Variants in DMXL1 observed in about 807,000 individuals in gnomAD.
DMXL1 encodes Dmx like 1, also known as dmX-like protein 1.
A neutral mutation model predicts 319.2 loss-of-function variants in DMXL1; 99 were observed. The ratio of observed to expected loss-of-function variants is 0.31; its 90% confidence interval spans 0.26 to 0.37. DMXL1 has a LOEUF of 0.37. DMXL1 is among the 10% of genes least tolerant of loss of function. The probability of loss-of-function intolerance (pLI) is 1.00; values close to 1 mark genes in which losing one functional copy is unlikely to be tolerated. For missense variants in DMXL1, 3,745 were observed against 3,595.6 expected (o/e 1.04, Z -1.06); for synonymous variants, 1,385 against 1,235.2 (o/e 1.12, Z -2.54).
In DMXL1 at chr5:119,209,245, T is replaced by C. The variant is rs117149079; in HGVS notation, c.7926+2349T>C. ...CTAGGAGTAGAAAGACTGGATCATG[T>C]GTAGGTATATGTTAAACGTTTTGTG... On this transcript the variant is annotated intron_variant, in intron 34 of 43. Transcript: ENST00000539542. 5.6e-4 allele frequency among the ~76,000 whole-genome samples: 85 copies of C among 152,322 alleles called. 4 individuals are homozygous for C. In the East Asian group the frequency reaches 0.016, roughly 28 times the overall value.
At chr5:119,168,468 G>C (rs1037966148) in intron 23 of DMXL1, among the ~76,000 whole-genome samples, 1 of 152,136 alleles carries the variant, frequency 6.6e-6, no homozygotes, top group African/African-American at 2.4e-5. Context: ...ATTGTGTTTG[G>C]TAGCTGATAA....
intron 31 of DMXL1, 80 bp from the exon 32 acceptor site, chr5:119,197,673 CCT>C (rs1246856964): frequency 7.1e-6 from 9 of 1,270,100 alleles, no homozygotes; most frequent in African/African-American, 1.5e-5. Context: ...TCTGCTCTCC[CCT>C]CTCTCATTTC....
rs1764345229 is a variant in DMXL1 at position 119,129,568 on chromosome 5, T to G, written c.1315+145T>G. On this transcript the variant is annotated intron_variant, in intron 10 of 43. Coordinates refer to ENST00000539542, the MANE Select transcript of DMXL1 (RefSeq NM_001290321.3). ...TGGACTAGCTCATTTAATAATCTAA[T>G]GTAGATATTTCTGTTATAGGTAGCT... is the stretch of plus-strand genomic sequence containing the variant. 4.8e-6 allele frequency: 3 copies of G among 623,788 alleles called. No individual in the cohort carries two copies. The African/African-American group carries it at 5.5e-5, about 12-fold the overall frequency. 38.6% of individuals were successfully genotyped at this position (623,788 alleles called of 1,614,324 possible). A position where few individuals can be genotyped will look rare whatever the true frequency, so the allele number is the denominator to read the frequency against.
At chr5:119,159,213 A>G (rs186043470) in intron 19 of DMXL1, among the ~76,000 whole-genome samples, 1 of 151,924 alleles carries the variant, frequency 6.6e-6, no homozygotes, top group Admixed American at 6.6e-5. Context: ...GCTCACTGCA[A>G]CTTCTGCCCC....
At chr5:119,227,455 T>G (rs1322281610) in intron 38 of DMXL1, among the ~76,000 whole-genome samples, 1 of 152,134 alleles carries the variant, frequency 6.6e-6, no homozygotes, top group Non-Finnish European at 1.5e-5. Flanking sequence ...CCATCTGATT[T>G]CACCTGCAGT....
intron 28 of DMXL1, among the ~76,000 whole-genome samples, chr5:119,183,839 A>G (rs1166751091): frequency 6.6e-6 from 1 of 152,174 alleles, no homozygotes; most frequent in Non-Finnish European, 1.5e-5. Flanking sequence ...TGTTCTATTC[A>G]TTCATTTTAC....
chr5:119,113,958 T>C (rs1760239128), intron 5 of DMXL1, among the ~76,000 whole-genome samples: 1 of 152,050 alleles, frequency 6.6e-6, no homozygotes, highest in Non-Finnish European at 1.5e-5. Flanking sequence ...GGGAAGGCAA[T>C]GAAGAGAAAT....
In DMXL1 at chr5:119,171,203, A is replaced by G. The variant is rs1220789421; in HGVS notation, c.6412A>G (p.Ile2138Val). The G allele has an allele frequency of 6.2e-6, 10 of 1,613,714 alleles. No homozygotes were observed. Among genetic ancestry groups the G allele is most frequent in the Non-Finnish European group, 7.6e-6 (9 of 1,179,776 alleles). ...TTTGAGAATGTTTCTTAGTTACTGC[A>G]TACTTCATGGATCCCATGGTGGGGG... ...SLLRMFLSYC[I>V]LHGSHGGGLA... is the part of the protein sequence containing the mutation. The change falls in exon 24 of 44, where the codon ATA becomes GTA. Residue 2138 changes from isoleucine (I) to valine (V), a missense_variant. Physicochemically the swap from Ile to Val is conservative, Grantham distance 29. This residue lies in a region of DMXL1 where 1,382 missense variants were observed against 1,269.5 expected (regional missense o/e 1.09). Coordinates refer to ENST00000539542, the MANE Select transcript of DMXL1 (RefSeq NM_001290321.3).
chr5:119,134,278 C>A lies in DMXL1; in HGVS notation c.2265C>A (p.Cys755Ter). 1 of 1,611,982 alleles carries A rather than the reference C, an allele frequency of 6.2e-7. No homozygotes were observed. Among genetic ancestry groups the A allele is most frequent in the South Asian group, 1.1e-5 (1 of 90,526 alleles). Residue 755 changes from cysteine to a stop codon, truncating the protein, a stop_gained, in exon 13 of 44, where the codon TGC becomes TGA. Coordinates refer to ENST00000539542, the MANE Select transcript of DMXL1 (RefSeq NM_001290321.3). LOFTEE classifies it high-confidence loss of function. ...LIPSYCLGAY[C>*]NSPSACFVAS... ...GTAAATACTTTCTAGGTGCATACTG[C>A]AACTCTCCTAGTGCATGCTTTGTAG...
chr5:119,077,487 T>TG (rs1334151861), intron 1 of DMXL1, among the ~76,000 whole-genome samples: 3 of 142,194 alleles, frequency 2.1e-5, no homozygotes, highest in Non-Finnish European at 4.6e-5. Context: ...AGGTTTTTTT[T>TG]TTTTTTTTTT....
intron 28 of DMXL1, among the ~76,000 whole-genome samples, chr5:119,187,703 C>T (rs1777986994): frequency 6.6e-6 from 1 of 152,110 alleles, no homozygotes; most frequent in Non-Finnish European, 1.5e-5. Context: ...TGCTCTGTTG[C>T]CCAGGCTGGA....
In DMXL1 at chr5:119,135,444, G is replaced by A. The variant is rs147582776; in HGVS notation, c.2376+1055G>A. Among the ~76,000 whole-genome samples the A allele has an allele frequency of 3.5e-3, 536 of 152,270 alleles. 4 individuals carry two copies. The highest frequency in any genetic ancestry group is 0.013 in the Admixed American group (206 of 15,292). On this transcript the variant is annotated intron_variant, in intron 13 of 43. Coordinates refer to ENST00000539542, the MANE Select transcript of DMXL1 (RefSeq NM_001290321.3). ...TGAAGGAGATGTGGGAACTAGATACGTAGATATTTATTAAAGAGAATGTGA... is the reference window on the plus strand; with the variant it reads ...TGAAGGAGATGTGGGAACTAGATACATAGATATTTATTAAAGAGAATGTGA...
intron 41 of DMXL1, 99 bp from the exon 42 acceptor site, chr5:119,240,320 C>G: frequency 1.4e-6 from 1 of 726,780 alleles, no homozygotes; most frequent in Non-Finnish European, 2.2e-6. Flanking sequence ...TAAGAACCTT[C>G]TGTGACAGCA....
At chr5:119,245,474 C>CAG (rs1251187225) in intron 43 of DMXL1, among the ~76,000 whole-genome samples, 1 of 151,652 alleles carries the variant, frequency 6.6e-6, no homozygotes, top group Non-Finnish European at 1.5e-5. Flanking sequence ...TATTTTCCTT[C>CAG]AGTTTGAAAC....
chr5:119,189,742 C>A lies in DMXL1; in HGVS notation c.7170C>A (p.Asn2390Lys). The change falls in exon 29 of 44, where the codon AAC becomes AAA. Residue 2390 changes from asparagine to lysine, a missense_variant. By Grantham distance (94) the Asn-to-Lys change is moderately conservative (BLOSUM62 0). Transcript: ENST00000539542. ...TAGTTGAAGAAGGAGAAAAACAGAA[C>A]AAACGTTTTAGGCCGTCAAAAATGT... ...SSLVEEGEKQ[N>K]KRFRPSKMSC... 1 of 1,614,004 alleles carries A rather than the reference C, an allele frequency of 6.2e-7. No homozygotes were observed. Among genetic ancestry groups the A allele is most frequent in the Non-Finnish European group, 8.5e-7 (1 of 1,179,942 alleles).
intron 1 of DMXL1, among the ~76,000 whole-genome samples, chr5:119,089,905 C>A (rs1039717186): frequency 2.7e-5 from 4 of 148,972 alleles, no homozygotes; most frequent in African/African-American, 9.9e-5. Context: ...GGATTACAGA[C>A]TTGAGCCACT....
At chr5:119,163,665 T>C (rs551151361) in intron 19 of DMXL1, among the ~76,000 whole-genome samples, 1 of 152,226 alleles carries the variant, frequency 6.6e-6, no homozygotes, top group Non-Finnish European at 1.5e-5. Context: ...CTCGGCTCAC[T>C]GCAAGCTCTG....
chr5:119,072,402 C>T (rs1337402327), intron 1 of DMXL1, among the ~76,000 whole-genome samples: 1 of 151,962 alleles, frequency 6.6e-6, no homozygotes, highest in Non-Finnish European at 1.5e-5. Flanking sequence ...TCAGTAATTG[C>T]ACATGATACT....
chr5:119,081,711 A>G (rs1252346574), intron 1 of DMXL1: 1 of 985,222 alleles, frequency 1.0e-6, no homozygotes, highest in African/African-American at 1.7e-5. Flanking sequence ...CCCTTGCTTA[A>G]CCTTTTCGTT....
Sources: gnomAD v4.1 joint callset for allele counts (sites outside exome capture counted in the v4.1 genomes callset) on GRCh38, gnomAD v4.1.1 for gene constraint, gnomAD v4.1.1 regional missense constraint, MANE v1.5 for transcripts, NCBI Gene and HGNC (gene_info 2026-07-23, HGNC 2026-07-21) for gene names.